Variants in DHX29 observed in about 807,000 individuals in gnomAD.
DHX29 encodes ATP-dependent RNA helicase DHX29.
DHX29 carries 79 observed loss-of-function variants against 167.9 expected under a neutral mutation model. The ratio of observed to expected loss-of-function variants is 0.47; its 90% CI spans 0.39 to 0.57. The LOEUF (loss-of-function observed/expected upper bound fraction) is 0.57. Among genes scored for constraint, DHX29 ranks in the 20% least tolerant of loss-of-function variants. DHX29 has a pLI of 0.00. For missense variants in DHX29, 1,347 were observed against 1,593.4 expected (o/e 0.85, Z 2.63); for synonymous variants, 530 against 546.0 (o/e 0.97, Z 0.41).
intron 12 of DHX29, among the ~76,000 whole-genome samples, chr5:55,281,132 ACG>A (rs1394063797): frequency 6.6e-6 from 1 of 151,110 alleles, no homozygotes; most frequent in African/African-American, 2.4e-5. Flanking sequence ...ACACACACAC[ACG>A]CTATATATAT....
At chr5:55,298,529 C>G (rs1401347251) in intron 2 of DHX29, 62 bp downstream of exon 2, 3 of 1,038,314 alleles carry the variant, frequency 2.9e-6, no homozygotes, top group Admixed American at 1.9e-5. Flanking sequence ...AAGGATACAT[C>G]TTTTTTGGGG....
chr5:55,280,384 C>T (rs1445134402), intron 12 of DHX29, among the ~76,000 whole-genome samples: 14 of 152,178 alleles, frequency 9.2e-5, no homozygotes, highest in Admixed American at 9.2e-4. Flanking sequence ...TTATTAACTG[C>T]TACAGATGTT....
At position 55,283,339 on chromosome 5, in the gene DHX29, A is replaced by T; in HGVS notation, c.1829T>A (p.Leu610Ter). The T allele has an allele frequency of 6.2e-7, 1 of 1,614,176 alleles. No homozygotes were observed. The highest frequency in any genetic ancestry group is 8.5e-7 in the Non-Finnish European group (1 of 1,180,006). The change falls in exon 11 of 27, where the codon TTG becomes TAG. Residue 610 changes from leucine to a stop codon, truncating the protein, a stop_gained. Coordinates refer to ENST00000251636, the MANE Select transcript of DHX29 (RefSeq NM_019030.4). LOFTEE classifies it high-confidence loss of function. ...GKSTQVPHFL[L>*]EDLLLNEWEA... ...CCACTCATTTAGAAGCAAATCTTCC[A>T]ATAGAAAATGTGGTACCTGAGTACT...
intron 17 of DHX29, among the ~76,000 whole-genome samples, chr5:55,272,672 G>A (rs1746910609): frequency 6.6e-6 from 1 of 152,156 alleles, no homozygotes; most frequent in Non-Finnish European, 1.5e-5. Flanking sequence ...GGCGGAGGTT[G>A]CAGTGAGCCG....
chr5:55,296,120 T>C (rs940062665), intron 4 of DHX29, 100 bp downstream of exon 4: 4 of 1,253,252 alleles, frequency 3.2e-6, no homozygotes, highest in South Asian at 3.7e-5. Context: ...TAAATAATTA[T>C]GACAGTGAAA....
chr5:55,300,464 G>A (rs894746463), intron 1 of DHX29, among the ~76,000 whole-genome samples: 1 of 152,186 alleles, frequency 6.6e-6, no homozygotes, highest in Non-Finnish European at 1.5e-5. Flanking sequence ...CATGAGGTCA[G>A]GAGTTTGAGA....
intron 3 of DHX29, among the ~76,000 whole-genome samples, chr5:55,296,627 A>T (rs912982365): frequency 2.0e-5 from 3 of 152,186 alleles, no homozygotes; most frequent in African/African-American, 7.2e-5. Flanking sequence ...AATTTTGTAA[A>T]AAGAGATTTC....
chr5:55,272,000 A>C, intron 18 of DHX29, 87 bp downstream of exon 18: 2 of 762,504 alleles, frequency 2.6e-6, no homozygotes, highest in Non-Finnish European at 4.2e-6. Context: ...ATTTTCCCTA[A>C]ATAATTTTAG....
intron 12 of DHX29, among the ~76,000 whole-genome samples, chr5:55,278,873 G>A (rs1172604391): frequency 6.6e-6 from 1 of 152,176 alleles, no homozygotes; most frequent in Non-Finnish European, 1.5e-5. Flanking sequence ...TGGGGAATGG[G>A]TCAGAAATAA....
At chr5:55,282,413 G>A (rs1747477910) in intron 11 of DHX29, among the ~76,000 whole-genome samples, 2 of 152,060 alleles carry the variant, frequency 1.3e-5, no homozygotes, top group Non-Finnish European at 2.9e-5. Flanking sequence ...TTGTGTATAT[G>A]TCTGTCATTC....
chr5:55,295,320 C>T, intron 5 of DHX29, 59 bp downstream of exon 5: 1 of 1,272,502 alleles, frequency 7.9e-7, no homozygotes, highest in Non-Finnish European at 1.1e-6. Context: ...ACTCTTTGAA[C>T]TGTTACATGT....
Position 55,281,438 on chromosome 5 carries a change from C to A in DHX29, c.2043G>T (p.Gly681=). 1 of 1,601,506 alleles carries A rather than the reference C, an allele frequency of 6.2e-7. No individual in the cohort carries two copies. Among genetic ancestry groups the A allele is most frequent in the Non-Finnish European group, 8.5e-7 (1 of 1,173,766 alleles). The change falls in exon 12 of 27, where the codon GGG becomes GGT. Residue 681 remains glycine, a synonymous_variant. Transcript: ENST00000251636. ...ESTRLLYCTT[G]VLLRKLQEDG... ...CTTCTTGAAGTTTCCTTAGCAAAACCCCTGTTGTACAATAGAGTAACCTGG... is the reference window on the plus strand; with the variant it reads ...CTTCTTGAAGTTTCCTTAGCAAAACACCTGTTGTACAATAGAGTAACCTGG...
intron 12 of DHX29, among the ~76,000 whole-genome samples, chr5:55,280,018 C>T (rs1194535879): frequency 6.6e-6 from 1 of 152,180 alleles, no homozygotes; most frequent in African/African-American, 2.4e-5. Flanking sequence ...ACTCAATTCA[C>T]ACACTGACTA....
intron 16 of DHX29, among the ~76,000 whole-genome samples, chr5:55,273,847 G>C (rs1436576702): frequency 1.3e-5 from 2 of 152,032 alleles, no homozygotes; most frequent in African/African-American, 4.8e-5. Flanking sequence ...AGCACTTTGG[G>C]AGGCTGAGAT....
At chr5:55,281,144 T>TAC (rs1561152237) in intron 12 of DHX29, among the ~76,000 whole-genome samples, 1 of 151,660 alleles carries the variant, frequency 6.6e-6, no homozygotes, top group East Asian at 1.9e-4. Flanking sequence ...GCTATATATA[T>TAC]ACACACACAC....
chr5:55,262,351 G>A (rs1360393627), intron 24 of DHX29, among the ~76,000 whole-genome samples: 1 of 152,040 alleles, frequency 6.6e-6, no homozygotes, highest in Non-Finnish European at 1.5e-5. Context: ...AAATACTAAG[G>A]GGATTGATAC....
intron 8 of DHX29, among the ~76,000 whole-genome samples, chr5:55,287,861 A>T (rs1287521079): frequency 6.6e-6 from 1 of 151,058 alleles, no homozygotes; most frequent in African/African-American, 2.4e-5. Context: ...AGGCAGGAGA[A>T]TTGCTTGAAT....
At chr5:55,282,068 G>A (rs948162426) in intron 11 of DHX29, among the ~76,000 whole-genome samples, 1 of 152,088 alleles carries the variant, frequency 6.6e-6, no homozygotes, top group Non-Finnish European at 1.5e-5. Flanking sequence ...TTATAGGCGT[G>A]AGCCACCACA....
In DHX29 at chr5:55,268,027, AAC is replaced by A. The variant is rs1329259119; in HGVS notation, c.3295-207_3295-206del. Among the ~76,000 whole-genome samples, 5 of 152,126 alleles carry A rather than the reference AAC, an allele frequency of 3.3e-5. No individual in the cohort carries two copies. In the South Asian group the frequency reaches 8.3e-4, roughly 25 times the overall value. On this transcript the variant is annotated intron_variant, in intron 21 of 26. Transcript: ENST00000251636. ...ATAGCTAACTTATATTTTCATTTTA[AAC>A]AGTTATTTTTTGTTTCATTTTAAGG...
Sources: gnomAD v4.1 joint callset for allele counts (sites outside exome capture counted in the v4.1 genomes callset) on GRCh38, gnomAD v4.1.1 for gene constraint, MANE v1.5 for transcripts, NCBI Gene and HGNC (gene_info 2026-07-23, HGNC 2026-07-21) for gene names.